The following SMIM13 variants were observed in gnomAD, a reference collection of about 807,000 sequenced individuals.
SMIM13 encodes small integral membrane protein 13, also known as UPF0766 protein C6orf228.
In SMIM13, 3 loss-of-function variants were observed where a neutral mutation model predicts 5.9. That is an observed-to-expected ratio of 0.51 (90% CI 0.23 to 1.31). SMIM13 has a LOEUF of 1.31. Among genes scored for constraint, SMIM13 ranks in the 40% most tolerant of loss-of-function variants. The pLI is 0.18. For missense variants in SMIM13, 85 were observed against 109.9 expected, an observed-to-expected ratio of 0.77 and a Z score of 1.01; for synonymous variants, 55 against 46.0, an observed-to-expected ratio of 1.19 and a Z score of -0.79.
At chr6:11,114,423 A>C (rs977707685) in intron 1 of SMIM13, among the ~76,000 whole-genome samples, 2 of 151,982 alleles carry the variant, frequency 1.3e-5, no homozygotes, top group African/African-American at 4.8e-5. Flanking sequence ...CCATTAAATA[A>C]ATTATTAGCT....
rs1758545944 is a variant in SMIM13, at chr6:11,138,713, A to G, written c.*4111A>G. 6.6e-6 allele frequency: 1 copy of G among 152,164 alleles called. No homozygotes were observed. The highest frequency in any genetic ancestry group is 1.5e-5 in the Non-Finnish European group (1 of 68,020). 9.4% of individuals were successfully genotyped at this position (152,164 alleles called of 1,614,324 possible). A position where few individuals can be genotyped will look rare whatever the true frequency, so the allele number is the denominator to read the frequency against. ...TTAACTTTCACTTTAAACTGCATAG[A>G]ATAAATTAAATTGAAAACAACAAAA... On this transcript the variant is annotated 3_prime_UTR_variant, in exon 2 of 2. Coordinates refer to ENST00000416247, the MANE Select transcript of SMIM13 (RefSeq NM_001135575.2).
At chr6:11,096,676 C>G (rs1001278204) in intron 1 of SMIM13, among the ~76,000 whole-genome samples, 21 of 151,328 alleles carry the variant, frequency 1.4e-4, no homozygotes, top group Non-Finnish European at 2.7e-4. Flanking sequence ...CAACTCATTT[C>G]TTTTCTTTGT....
At chr6:11,132,679 A>T (rs1211211670) in intron 1 of SMIM13, among the ~76,000 whole-genome samples, 4 of 152,210 alleles carry the variant, frequency 2.6e-5, no homozygotes, top group Admixed American at 1.3e-4. Context: ...CACAGAGGCC[A>T]CGTATTGTAT....
chr6:11,101,379 A>G (rs1390425749), intron 1 of SMIM13, among the ~76,000 whole-genome samples: 1 of 152,244 alleles, frequency 6.6e-6, no homozygotes, highest in Non-Finnish European at 1.5e-5. Flanking sequence ...CAAATAATTC[A>G]GGAATACTGA....
chr6:11,104,322 G>A, intron 1 of SMIM13: 1 of 1,551,736 alleles, frequency 6.4e-7, no homozygotes, highest in East Asian at 2.4e-5. Context: ...GAGATTGCCA[G>A]GGGCTATGAA....
At chr6:11,123,676 A>G (rs1758339561) in intron 1 of SMIM13, among the ~76,000 whole-genome samples, 1 of 152,176 alleles carries the variant, frequency 6.6e-6, no homozygotes, top group African/African-American at 2.4e-5. Flanking sequence ...AGCTGTTATT[A>G]TTTTTATTGT....
At chr6:11,100,000 A>C (rs920295671) in intron 1 of SMIM13, among the ~76,000 whole-genome samples, 2 of 152,280 alleles carry the variant, frequency 1.3e-5, no homozygotes, top group East Asian at 3.9e-4. Flanking sequence ...TGAAGTTAAT[A>C]CATAATTGCC....
intron 1 of SMIM13, among the ~76,000 whole-genome samples, chr6:11,125,648 G>A (rs1457323938): frequency 6.6e-6 from 1 of 152,106 alleles, no homozygotes; most frequent in East Asian, 1.9e-4. Flanking sequence ...AAAATGCCAT[G>A]CCACCCTCTC....
At chr6:11,096,944 G>C (rs962928953) in intron 1 of SMIM13, among the ~76,000 whole-genome samples, 1 of 152,122 alleles carries the variant, frequency 6.6e-6, no homozygotes, top group Non-Finnish European at 1.5e-5. Flanking sequence ...ACCCGCCTCG[G>C]CTTCCCAAAG....
At chr6:11,124,939 G>A (rs768963019) in intron 1 of SMIM13, among the ~76,000 whole-genome samples, 2 of 152,102 alleles carry the variant, frequency 1.3e-5, no homozygotes, top group Admixed American at 6.6e-5. Flanking sequence ...ATTTTTGCTC[G>A]ATAAACTGTT....
intron 1 of SMIM13, among the ~76,000 whole-genome samples, chr6:11,098,082 T>C (rs1269218852): frequency 6.6e-6 from 1 of 152,180 alleles, no homozygotes; most frequent in African/African-American, 2.4e-5. Flanking sequence ...AAACTGAATA[T>C]TGAGTGTCTA....
chr6:11,103,663 G>A (rs548644317), intron 1 of SMIM13: 2 of 1,515,476 alleles, frequency 1.3e-6, no homozygotes, highest in East Asian at 4.9e-5. Flanking sequence ...CCTCTGTCGT[G>A]TTCCACTAGC....
chr6:11,115,990 C>T (rs1177360152), intron 1 of SMIM13, among the ~76,000 whole-genome samples: 3 of 146,776 alleles, frequency 2.0e-5, no homozygotes, highest in African/African-American at 7.5e-5. Flanking sequence ...CCCTGCCGGC[C>T]GGCCTTCCTT....
At chr6:11,104,053 G>A (rs1758042872) in intron 1 of SMIM13, 1 of 1,551,700 alleles carries the variant, frequency 6.4e-7, no homozygotes, top group Non-Finnish European at 8.7e-7. Flanking sequence ...AACATGTCTA[G>A]TCCTCGACGA....
intron 1 of SMIM13, chr6:11,105,279 G>T (rs755833391): frequency 4.0e-5 from 64 of 1,613,832 alleles, no homozygotes; most frequent in Non-Finnish European, 5.0e-5. Context: ...TAGTGAAGGC[G>T]TGAGAATGAG....
intron 1 of SMIM13, chr6:11,104,511 A>T (rs745426977): frequency 6.4e-7 from 1 of 1,562,358 alleles, no homozygotes; most frequent in Non-Finnish European, 8.7e-7. Flanking sequence ...TGATATGCCC[A>T]GGTAGCTGGT....
At chr6:11,109,095 C>T (rs1483787063) in intron 1 of SMIM13, among the ~76,000 whole-genome samples, 1 of 152,182 alleles carries the variant, frequency 6.6e-6, no homozygotes, top group Non-Finnish European at 1.5e-5. Context: ...AGGGTAGCCA[C>T]CAGTGTCAGG....
chr6:11,114,667 C>A (rs192935145), intron 1 of SMIM13, among the ~76,000 whole-genome samples: 4 of 124,800 alleles, frequency 3.2e-5, no homozygotes, highest in Admixed American at 3.0e-4. Context: ...GGTATGATCT[C>A]GGCTCACTGC....
chr6:11,104,651 G>A, intron 1 of SMIM13: 1 of 1,614,216 alleles, frequency 6.2e-7, no homozygotes, highest in Non-Finnish European at 8.5e-7. Context: ...TAGAGCTGAG[G>A]TTGGAAATTT....
Sources: gnomAD v4.1 joint callset for allele counts (sites outside exome capture counted in the v4.1 genomes callset) on GRCh38, gnomAD v4.1.1 for gene constraint, MANE v1.5 for transcripts, NCBI Gene and HGNC (gene_info 2026-07-23, HGNC 2026-07-21) for gene names.